The following SOBP variants were observed in gnomAD, a reference collection of about 807,000 sequenced individuals.
SOBP encodes sine oculis-binding protein homolog.
Under a neutral mutation model 53.6 loss-of-function variants are expected in SOBP, and 4 were observed. The observed-to-expected ratio is 0.07, with a 90% CI of 0.04 to 0.17. SOBP has a LOEUF of 0.17. SOBP is among the 10% of genes least tolerant of loss of function. The pLI is 1.00. For missense variants in SOBP, 1,088 were observed against 1,204.7 expected (o/e 0.90, Z 1.43); for synonymous variants, 584 against 522.6 (o/e 1.12, Z -1.60).
In SOBP at chr6:107,660,186, TTTTTTTG is replaced by T. The variant is rs1028662496; in HGVS notation, c.*2002_*2008del. 9.2e-5 allele frequency: 14 copies of T among 152,634 alleles called. No individual in the cohort carries two copies. Among genetic ancestry groups the T allele is most frequent in the African/African-American group, 1.4e-4 (6 of 41,454 alleles). The allele number at this position is 152,634 out of a possible 1,614,324, so 9.5% of individuals were successfully genotyped here. ...TTTTCTCATTATTATGACTACTGTT[TTTTTTTG>T]TTTTTTGTTTTTTGTTTTATTACAG... is the stretch of plus-strand genomic sequence containing the variant. On this transcript the variant is annotated 3_prime_UTR_variant, in exon 7 of 7. Transcript: ENST00000317357.
Position 107,635,237 on chromosome 6 carries a change from G to T in SOBP, c.2393G>T (p.Gly798Val). Residue 798 changes from glycine (G) to valine (V), a missense_variant, in exon 6 of 7, where the codon GGG (glycine) becomes GTG (valine). Gly to Val is a moderately radical substitution (Grantham distance 109). Transcript: ENST00000317357. The surrounding 1 kb of genome is among the most constrained non-coding windows in gnomAD (Gnocchi z 4.5). ...KKLMGEEALAGGDKSDPNLNN... is the reference protein window; with the variant it reads ...KKLMGEEALAVGDKSDPNLNN... ...CTGATGGGCGAGGAGGCCCTGGCGG[G>T]GGGCGACAAGTCAGACCCGAACCTT... 1 of 1,613,896 alleles carries T rather than the reference G, an allele frequency of 6.2e-7. No individual in the cohort carries two copies. Among genetic ancestry groups the T allele is most frequent in the Non-Finnish European group, 8.5e-7 (1 of 1,179,986 alleles).
intron 5 of SOBP, among the ~76,000 whole-genome samples, chr6:107,622,578 A>G (rs1302134041): frequency 6.6e-6 from 1 of 152,236 alleles, no homozygotes; most frequent in Non-Finnish European, 1.5e-5. Context: ...ATGGGCACAA[A>G]AAGGTGAAAA....
In SOBP at chr6:107,651,041, G is replaced by A. The variant is rs564974206; in HGVS notation, c.*4-7166G>A. ...AGCACTTTGGGAGGCTGAGGCTGGC[G>A]GATCGCTTGAGCCCAGGAGTTCAAG... On this transcript the variant is annotated intron_variant, in intron 6 of 6. Coordinates refer to ENST00000317357, the MANE Select transcript of SOBP (RefSeq NM_018013.4). Among the ~76,000 whole-genome samples, 20 of 152,258 alleles carry A rather than the reference G, an allele frequency of 1.3e-4. No individual in the cohort carries two copies. In the East Asian group the frequency reaches 1.7e-3, roughly 13 times the overall value.
intron 5 of SOBP, among the ~76,000 whole-genome samples, chr6:107,620,116 C>A (rs2222735): frequency 0.17 from 25,329 of 152,132 alleles, 2,694 homozygotes; most frequent in East Asian, 0.39. Context: ...ATTGTGCTGG[C>A]AGTGAATGGT....
intron 4 of SOBP, among the ~76,000 whole-genome samples, chr6:107,560,378 G>T (rs1784740142): frequency 6.6e-6 from 1 of 152,084 alleles, no homozygotes; most frequent in South Asian, 2.1e-4. Flanking sequence ...AACCAAGTGT[G>T]AATCTTGAAG....
At chr6:107,507,772 A>G (rs1438250807) in intron 3 of SOBP, among the ~76,000 whole-genome samples, 2 of 152,100 alleles carry the variant, frequency 1.3e-5, no homozygotes, top group South Asian at 2.1e-4. Flanking sequence ...ATTCCTGGAA[A>G]GCTCTCTTTG....
intron 4 of SOBP, among the ~76,000 whole-genome samples, chr6:107,573,107 A>G (rs1785123467): frequency 6.6e-6 from 1 of 152,214 alleles, no homozygotes; most frequent in Non-Finnish European, 1.5e-5. Context: ...GGATAGTCAG[A>G]TGGCTGAAGA....
At chr6:107,493,838 G>A (rs1457640054) in intron 1 of SOBP, among the ~76,000 whole-genome samples, 1 of 152,208 alleles carries the variant, frequency 6.6e-6, no homozygotes, top group African/African-American at 2.4e-5. Context: ...GCATTGAAGA[G>A]TGTCTTCATG....
chr6:107,562,735 A>G (rs928650126), intron 4 of SOBP, among the ~76,000 whole-genome samples: 7 of 152,188 alleles, frequency 4.6e-5, no homozygotes, highest in African/African-American at 1.7e-4. Context: ...GAGATGGGTA[A>G]CCTGAGGGAC....
At chr6:107,582,075 A>C (rs746971950) in intron 4 of SOBP, among the ~76,000 whole-genome samples, 1 of 152,190 alleles carries the variant, frequency 6.6e-6, no homozygotes, top group African/African-American at 2.4e-5. Flanking sequence ...CATCACAGGG[A>C]GGTATTAACT....
At chr6:107,657,025 C>T (rs1231399023) in intron 6 of SOBP, among the ~76,000 whole-genome samples, 5 of 152,262 alleles carry the variant, frequency 3.3e-5, no homozygotes, top group African/African-American at 1.2e-4. Context: ...AGAGAGGCGC[C>T]TGACCCACTC....
At chr6:107,510,070 G>T (rs1198690692) in intron 3 of SOBP, among the ~76,000 whole-genome samples, 1 of 152,164 alleles carries the variant, frequency 6.6e-6, no homozygotes, top group African/African-American at 2.4e-5. Context: ...TAGGGCAGGG[G>T]TCTGCAAACC....
chr6:107,623,818 A>C (rs900620691), intron 5 of SOBP, among the ~76,000 whole-genome samples: 1 of 152,228 alleles, frequency 6.6e-6, no homozygotes, highest in African/African-American at 2.4e-5. Context: ...AGAAACTCAG[A>C]GTGAAGTAGG....
intron 4 of SOBP, among the ~76,000 whole-genome samples, chr6:107,547,669 G>T (rs1784339183): frequency 1.3e-5 from 2 of 152,216 alleles, no homozygotes; most frequent in Admixed American, 1.3e-4. Flanking sequence ...TTAACACTCA[G>T]GGGTAACCTT....
At chr6:107,491,553 C>T (rs1782581826) in intron 1 of SOBP, among the ~76,000 whole-genome samples, 2 of 152,244 alleles carry the variant, frequency 1.3e-5, no homozygotes, top group Admixed American at 1.3e-4. Context: ...ACAAGAGCAC[C>T]GCTCAGCTCT....
chr6:107,655,739 A>G (rs534712096), intron 6 of SOBP, among the ~76,000 whole-genome samples: 1 of 152,314 alleles, frequency 6.6e-6, no homozygotes, highest in African/African-American at 2.4e-5. Context: ...AATGGCTCTT[A>G]TTATAATCCC....
At chr6:107,556,358 A>G (rs1562611765) in intron 4 of SOBP, among the ~76,000 whole-genome samples, 1 of 152,198 alleles carries the variant, frequency 6.6e-6, no homozygotes, top group African/African-American at 2.4e-5. Flanking sequence ...TGAAAACTCC[A>G]TGTAGTCAAA....
chr6:107,586,458 CTTAA>C (rs1296070635), intron 4 of SOBP, among the ~76,000 whole-genome samples: 11 of 151,854 alleles, frequency 7.2e-5, no homozygotes, highest in Admixed American at 6.6e-5. Flanking sequence ...CTTCAGCTTT[CTTAA>C]TTAACAGCGT....
At chr6:107,522,755 G>T (rs1234044314) in intron 3 of SOBP, among the ~76,000 whole-genome samples, 1 of 151,844 alleles carries the variant, frequency 6.6e-6, no homozygotes, top group Non-Finnish European at 1.5e-5. Context: ...TGTTGCCCAG[G>T]CTGGTCTCAA....
Sources: allele counts gnomAD v4.1 joint callset (sites outside exome capture counted in the v4.1 genomes callset), GRCh38; gene constraint gnomAD v4.1.1; non-coding constraint Gnocchi (gnomAD v3.1); transcripts MANE v1.5; gene names NCBI Gene and HGNC (gene_info 2026-07-23, HGNC 2026-07-21).